The following UCHL3 variants were observed in gnomAD, a reference collection of about 807,000 sequenced individuals.
UCHL3 encodes ubiquitin C-terminal hydrolase L3.
In UCHL3, 22 loss-of-function variants were observed where a neutral mutation model predicts 35.8. That is an observed-to-expected ratio of 0.61 (90% CI 0.44 to 0.88). The LOEUF is 0.88. Ranked by LOEUF, UCHL3 falls within the 40% of genes least tolerant of loss-of-function variation. UCHL3 has a pLI of 0.00. For missense variants in UCHL3, 229 were observed against 276.9 expected, an observed-to-expected ratio of 0.83 and a Z score of 1.23; for synonymous variants, 90 against 92.8, an observed-to-expected ratio of 0.97 and a Z score of 0.17.
intron 2 of UCHL3, among the ~76,000 whole-genome samples, chr13:75,560,213 A>G (rs2031446813): frequency 1.3e-5 from 2 of 152,170 alleles, no homozygotes; most frequent in Non-Finnish European, 2.9e-5. Flanking sequence ...CATTTTTGGT[A>G]AATAGGATAA....
chr13:75,601,223 C>T (rs2032775206), intron 7 of UCHL3, among the ~76,000 whole-genome samples: 1 of 152,100 alleles, frequency 6.6e-6, no homozygotes, highest in Admixed American at 6.5e-5. Flanking sequence ...GACCACAAAC[C>T]ATAAAGGATT....
At chr13:75,567,020 T>G (rs2031706544) in intron 4 of UCHL3, among the ~76,000 whole-genome samples, 169 bp downstream of exon 4, 1 of 152,202 alleles carries the variant, frequency 6.6e-6, no homozygotes, top group Non-Finnish European at 1.5e-5. Flanking sequence ...TCCTTCTCAT[T>G]CTTTTATATT....
chr13:75,584,991 A>C (rs372972981), intron 6 of UCHL3, among the ~76,000 whole-genome samples: 40 of 152,156 alleles, frequency 2.6e-4, no homozygotes, highest in African/African-American at 8.7e-4. Flanking sequence ...GCTGTGGGAC[A>C]ATTTCAAGTG....
intron 6 of UCHL3, among the ~76,000 whole-genome samples, 190 bp downstream of exon 6, chr13:75,569,697 A>G (rs1305829689): frequency 6.6e-6 from 1 of 152,218 alleles, no homozygotes; most frequent in South Asian, 2.1e-4. Context: ...TGTTTTGACA[A>G]GCTGTTAAGA....
chr13:75,585,968 A>G (rs1322416123), intron 6 of UCHL3, among the ~76,000 whole-genome samples: 1 of 152,140 alleles, frequency 6.6e-6, no homozygotes, highest in Non-Finnish European at 1.5e-5. Flanking sequence ...GAAAAAATAA[A>G]GAACTGACAA....
chr13:75,600,568 C>T (rs1566232120), intron 7 of UCHL3, among the ~76,000 whole-genome samples: 1 of 152,176 alleles, frequency 6.6e-6, no homozygotes, highest in Non-Finnish European at 1.5e-5. Flanking sequence ...GATAGTATAT[C>T]TATTTATAGC....
chr13:75,592,571 AT>A (rs1267910121), intron 6 of UCHL3, among the ~76,000 whole-genome samples: 2 of 107,404 alleles, frequency 1.9e-5, no homozygotes, highest in African/African-American at 7.1e-5. Context: ...TTTGCTTTTT[AT>A]TTATTTTTCT....
At chr13:75,585,688 G>A (rs2032303583) in intron 6 of UCHL3, among the ~76,000 whole-genome samples, 1 of 152,028 alleles carries the variant, frequency 6.6e-6, no homozygotes, top group Non-Finnish European at 1.5e-5. Flanking sequence ...TAGCAACTAT[G>A]TACTATAAAT....
intron 7 of UCHL3, among the ~76,000 whole-genome samples, chr13:75,599,315 T>G (rs1375367266): frequency 6.6e-6 from 1 of 152,112 alleles, no homozygotes; most frequent in Non-Finnish European, 1.5e-5. Context: ...TGAGTTTGCA[T>G]AGCATTTGAA....
intron 6 of UCHL3, among the ~76,000 whole-genome samples, chr13:75,572,581 T>C (rs2031895258): frequency 6.6e-6 from 1 of 152,164 alleles, no homozygotes; most frequent in South Asian, 2.1e-4. Flanking sequence ...AATTATCCAA[T>C]ACTGTTCCTT....
intron 3 of UCHL3, among the ~76,000 whole-genome samples, chr13:75,562,484 G>T (rs2031549188): frequency 6.6e-6 from 1 of 151,772 alleles, no homozygotes; most frequent in Non-Finnish European, 1.5e-5. Context: ...ACAAAAATAA[G>T]CCAACAGATA....
At chr13:75,571,814 C>T (rs958198330) in intron 6 of UCHL3, among the ~76,000 whole-genome samples, 15 of 152,072 alleles carry the variant, frequency 9.9e-5, no homozygotes, top group Admixed American at 9.2e-4. Context: ...TTTCCCATCT[C>T]CCACAGTTTA....
Position 75,550,106 on chromosome 13 carries a change from C to T in UCHL3, c.54+119C>T, listed in dbSNP as rs1229962098. 16 of 1,510,710 alleles carry T rather than the reference C, an allele frequency of 1.1e-5. No individual in the cohort carries two copies. In the East Asian group the frequency reaches 1.1e-4, roughly 11 times the overall value. The allele number at this position is 1,510,710 out of a possible 1,614,324, so 93.6% of individuals were successfully genotyped here. A position where few individuals can be genotyped will look rare whatever the true frequency, so the allele number is the denominator to read the frequency against. ...TCTGGGATTTAATTTCTTGAGGGCC[C>T]CTCTTGTTCGGCTTTACGCGGGTCC... On this transcript the variant is annotated intron_variant, in intron 2 of 8. Coordinates refer to ENST00000377595, the MANE Select transcript of UCHL3 (RefSeq NM_006002.5).
intron 2 of UCHL3, among the ~76,000 whole-genome samples, chr13:75,555,907 TATG>T (rs1283004245): frequency 3.3e-5 from 5 of 152,188 alleles, no homozygotes; most frequent in Non-Finnish European, 5.9e-5. Flanking sequence ...ATTGCTATTT[TATG>T]ATATTACTAA....
chr13:75,600,244 G>C (rs2032744319), intron 7 of UCHL3, among the ~76,000 whole-genome samples: 1 of 152,214 alleles, frequency 6.6e-6, no homozygotes. Flanking sequence ...TATGCTGATG[G>C]AGAAGCTGCA....
At chr13:75,555,014 A>G (rs999697399) in intron 2 of UCHL3, among the ~76,000 whole-genome samples, 2 of 152,150 alleles carry the variant, frequency 1.3e-5, no homozygotes, top group Admixed American at 1.3e-4. Context: ...CTGTTCTTGC[A>G]TTAGTTTGCT....
chr13:75,571,334 A>C (rs1169970826), intron 6 of UCHL3, among the ~76,000 whole-genome samples: 1 of 152,078 alleles, frequency 6.6e-6, no homozygotes, highest in Non-Finnish European at 1.5e-5. Flanking sequence ...AATGATCTTC[A>C]TGTCTCTTTT....
intron 6 of UCHL3, chr13:75,590,167 C>T: frequency 8.1e-7 from 1 of 1,236,476 alleles, no homozygotes; most frequent in Non-Finnish European, 1.0e-6. Context: ...CTTCCAGTGA[C>T]AAGGGCTGTC....
At position 75,549,888 on chromosome 13, in the gene UCHL3, G is replaced by A. The variant is rs1238132961; in HGVS notation, c.42+26G>A. On this transcript the variant is annotated intron_variant, in intron 1 of 8. Transcript: ENST00000377595. ...GTGGGCGCGCTTCGGGGCAGCCCTG[G>A]GCCGTGGGCAGGTGCAGAGGGAGCC... is the stretch of plus-strand genomic sequence containing the variant. 3.1e-6 allele frequency: 5 copies of A among 1,613,626 alleles called. No individual in the cohort carries two copies. The African/African-American group carries it at 6.7e-5, about 22-fold the overall frequency.
Sources: gnomAD v4.1 joint callset for allele counts (sites outside exome capture counted in the v4.1 genomes callset) on GRCh38, gnomAD v4.1.1 for gene constraint, MANE v1.5 for transcripts, NCBI Gene and HGNC (gene_info 2026-07-23, HGNC 2026-07-21) for gene names.